CACNA1A: variants seen among roughly 807,000 people sequenced by gnomAD.
The protein encoded by CACNA1A is voltage-dependent P/Q-type calcium channel subunit alpha-1A.
Under a neutral mutation model 262.4 loss-of-function variants are expected in CACNA1A, and 57 were observed. The observed-to-expected ratio is 0.22, with a 90% CI of 0.18 to 0.27. The LOEUF (loss-of-function observed/expected upper bound fraction) is 0.27, where lower values mean the gene tolerates loss of function less well. Among genes scored for constraint, CACNA1A ranks in the 10% least tolerant of loss-of-function variants. The pLI is 1.00. For missense variants in CACNA1A, 2,526 were observed against 3,562.8 expected (o/e 0.71, Z 7.41); for synonymous variants, 1,431 against 1,419.3 (o/e 1.01, Z -0.18).
chr19:13,230,243 G>A lies in CACNA1A; in HGVS notation c.5401-34C>T, dbSNP rs2055615386. 3.1e-6 allele frequency: 5 copies of A among 1,612,280 alleles called. No individual in the cohort carries two copies. In the Admixed American group the frequency reaches 5.0e-5, roughly 16 times the overall value. The stretch of plus-strand genomic sequence containing the variant: ...ACCCCGGGGACCAAGAGAGAATGGG[G>A]GCAGAGACCGAGGGAATGAATGAGT... On this transcript the variant is annotated intron_variant, in intron 35 of 46. Coordinates refer to ENST00000360228, the MANE Select transcript of CACNA1A (RefSeq NM_001127222.2).
chr19:13,347,922 A>T (rs2058822637), intron 6 of CACNA1A, among the ~76,000 whole-genome samples: 1 of 151,680 alleles, frequency 6.6e-6, no homozygotes, highest in Admixed American at 6.6e-5. Context: ...TTTATTTTTA[A>T]TTATTAGGTT....
At chr19:13,294,576 T>C (rs1488367858) in intron 19 of CACNA1A, among the ~76,000 whole-genome samples, 1 of 143,294 alleles carries the variant, frequency 7.0e-6, no homozygotes, top group Non-Finnish European at 1.5e-5. Context: ...CACTGTAACC[T>C]CTGCCTCGCA....
At chr19:13,439,500 C>T (rs2060676845) in intron 3 of CACNA1A, among the ~76,000 whole-genome samples, 2 of 151,304 alleles carry the variant, frequency 1.3e-5, no homozygotes, top group Admixed American at 6.6e-5. Flanking sequence ...CCCGGGTTCA[C>T]GCCATTCTCC....
At chr19:13,490,250 T>C (rs1020042414) in intron 1 of CACNA1A, among the ~76,000 whole-genome samples, 4 of 152,214 alleles carry the variant, frequency 2.6e-5, no homozygotes, top group African/African-American at 4.8e-5. Context: ...GCTTATCTTA[T>C]AGATGACGAA....
intron 1 of CACNA1A, among the ~76,000 whole-genome samples, chr19:13,468,513 G>A (rs747799203): frequency 2.0e-4 from 31 of 152,102 alleles, no homozygotes; most frequent in Admixed American, 7.9e-4. Flanking sequence ...GAGGTCAGGC[G>A]CAGTGGCTCA....
rs140021339 is a variant in CACNA1A at position 13,247,204 on chromosome 19, C to T, written c.4867-1939G>A. ...GGCGGTCAGTGTGACCCTGAAGTAG[C>T]CCCTCTACCTTACAGAGAAGGAGCC... On this transcript the variant is annotated intron_variant, in intron 30 of 46. Transcript: ENST00000360228. Among the ~76,000 whole-genome samples the T allele has an allele frequency of 1.1e-4, 17 of 152,352 alleles. No homozygotes were observed. The East Asian group carries it at 3.3e-3, about 29-fold the overall frequency.
At chr19:13,386,511 G>A (rs1039108792) in intron 3 of CACNA1A, among the ~76,000 whole-genome samples, 3 of 152,066 alleles carry the variant, frequency 2.0e-5, no homozygotes, top group Admixed American at 1.3e-4. Flanking sequence ...GTCATCGGCC[G>A]GGCACAGTGG....
At chr19:13,415,177 G>C (rs2060198942) in intron 3 of CACNA1A, among the ~76,000 whole-genome samples, 1 of 152,010 alleles carries the variant, frequency 6.6e-6, no homozygotes, top group Non-Finnish European at 1.5e-5. Context: ...GGCAGGATTT[G>C]GGGGATGGAA....
chr19:13,473,265 AAGAG>A (rs1555792207), intron 1 of CACNA1A, among the ~76,000 whole-genome samples: 2 of 151,658 alleles, frequency 1.3e-5, no homozygotes, highest in Non-Finnish European at 2.9e-5. Flanking sequence ...AAAAAAAAAA[AAGAG>A]AGAGAGAGAA....
intron 1 of CACNA1A, among the ~76,000 whole-genome samples, chr19:13,484,966 A>G (rs1051705176): frequency 9.9e-5 from 15 of 152,216 alleles, no homozygotes; most frequent in African/African-American, 3.6e-4. Context: ...TCCTTGCCAG[A>G]CTGTAAACTC....
chr19:13,254,613 C>T (rs897036358), intron 29 of CACNA1A, among the ~76,000 whole-genome samples: 22 of 152,238 alleles, frequency 1.4e-4, no homozygotes, highest in East Asian at 1.9e-4. Context: ...CCGCCCGCCT[C>T]GGCCTCCCAA....
intron 3 of CACNA1A, among the ~76,000 whole-genome samples, chr19:13,406,520 A>C (rs2060014160): frequency 9.4e-6 from 1 of 106,884 alleles, no homozygotes; most frequent in Non-Finnish European, 1.9e-5. Context: ...TATGAAGGGA[A>C]TCTGATCCCT....
At chr19:13,261,988 T>C (rs2056744200) in intron 25 of CACNA1A, 1 of 181,216 alleles carries the variant, frequency 5.5e-6, no homozygotes, top group Admixed American at 5.7e-5. Context: ...TTTCCCTCTT[T>C]AACCAAGAAA....
intron 30 of CACNA1A, among the ~76,000 whole-genome samples, chr19:13,245,856 G>C (rs1042395612): frequency 2.6e-5 from 4 of 152,134 alleles, no homozygotes; most frequent in African/African-American, 9.6e-5. Flanking sequence ...ATTTTTAGTA[G>C]AGACGGGGTT....
chr19:13,466,709 C>A lies in CACNA1A; in HGVS notation c.294-11497G>T, dbSNP rs543482239. Among the ~76,000 whole-genome samples, 98 of 151,688 alleles carry A rather than the reference C, an allele frequency of 6.5e-4. 1 individual carries two copies. The highest frequency in any genetic ancestry group is 2.2e-3 in the African/African-American group (91 of 41,248). ...CTTCAATAATAATAATAATAATCAT[C>A]ATCATCATCATCTGACCACGCATCC... On this transcript the variant is annotated intron_variant, in intron 1 of 46. Coordinates refer to ENST00000360228, the MANE Select transcript of CACNA1A (RefSeq NM_001127222.2).
intron 5 of CACNA1A, among the ~76,000 whole-genome samples, chr19:13,361,333 C>CGCTAAA (rs1304319973): frequency 1.3e-5 from 2 of 152,098 alleles, no homozygotes; most frequent in Admixed American, 1.3e-4. Context: ...TCAGGCTGAA[C>CGCTAAA]GCTAAAGGTC....
At chr19:13,465,235 T>C (rs538133782) in intron 1 of CACNA1A, among the ~76,000 whole-genome samples, 1 of 152,072 alleles carries the variant, frequency 6.6e-6, no homozygotes, top group South Asian at 2.1e-4. Context: ...CCAGCCTTAG[T>C]TCCTTTTCTT....
At chr19:13,466,098 T>C (rs540332553) in intron 1 of CACNA1A, among the ~76,000 whole-genome samples, 3 of 152,236 alleles carry the variant, frequency 2.0e-5, no homozygotes, top group African/African-American at 7.2e-5. Flanking sequence ...AGGTGGTAGT[T>C]ACATAACAGT....
chr19:13,212,597 C>A lies in CACNA1A; in HGVS notation c.6050+34G>T. The A allele has an allele frequency of 6.6e-7, 1 of 1,509,204 alleles. No homozygotes were observed. The highest frequency in any genetic ancestry group is 8.9e-7 in the Non-Finnish European group (1 of 1,121,800). The allele number at this position is 1,509,204 out of a possible 1,614,324, so 93.5% of individuals were successfully genotyped here. ...CAGAACGTGGGGACCACGGCACCCC[C>A]ACACTCCACCTCCCTGGCAGGGGTG... On this transcript the variant is annotated intron_variant, in intron 41 of 46. Coordinates refer to ENST00000360228, the MANE Select transcript of CACNA1A (RefSeq NM_001127222.2). The surrounding 1 kb of genome is among the most constrained non-coding windows in gnomAD (Gnocchi z 5.6).
Sources: gnomAD v4.1 joint callset for allele counts (sites outside exome capture counted in the v4.1 genomes callset) on GRCh38, gnomAD v4.1.1 for gene constraint, Gnocchi (gnomAD v3.1) non-coding constraint, MANE v1.5 for transcripts, NCBI Gene and HGNC (gene_info 2026-07-23, HGNC 2026-07-21) for gene names.